Variants in TEF observed in about 807,000 individuals in gnomAD.
The protein encoded by TEF is TEF transcription factor, PAR bZIP family member, also known as thyrotroph embryonic factor.
TEF carries 3 observed loss-of-function variants against 20.8 expected under a neutral mutation model. The ratio of observed to expected loss-of-function variants is 0.14; its 90% CI spans 0.07 to 0.37. The LOEUF is 0.37. TEF is among the 10% of genes least tolerant of loss of function. The pLI is 1.00. For synonymous variants in TEF, 180 were observed against 171.1 expected (o/e 1.05, Z -0.41); for missense variants, 296 against 397.9 (o/e 0.74, Z 2.18).
upstream of TEF, among the ~76,000 whole-genome samples, chr22:41,380,999 T>C (rs2037009891): frequency 1.3e-5 from 2 of 152,242 alleles, no homozygotes. Flanking sequence ...AACCGGACTT[T>C]CCCAAGGTCA....
At position 41,398,761 on chromosome 22, in the gene TEF, G is replaced by T. The variant is rs372771607; in HGVS notation, c.*2801G>T. 6.6e-6 allele frequency: 1 copy of T among 152,236 alleles called. No homozygotes were observed. The highest frequency in any genetic ancestry group is 1.5e-5 in the Non-Finnish European group (1 of 68,044). The allele number at this position is 152,236 out of a possible 1,614,324, so 9.4% of individuals were successfully genotyped here. On this transcript the variant is annotated 3_prime_UTR_variant, in exon 4 of 4. Transcript: ENST00000266304. ...ACCCTGCTGAGGGGCTGTGCAGGCC[G>T]CTCCTACGGTCCTTTGGCCTGAGGC...
chr22:41,394,118 G>A lies in TEF; in HGVS notation c.498G>A (p.Arg166=), dbSNP rs2145991790. 2 of 1,614,086 alleles carry A rather than the reference G, an allele frequency of 1.2e-6. No homozygotes were observed. Among genetic ancestry groups the A allele is most frequent in the East Asian group, 2.2e-5 (1 of 44,876 alleles). ...SSTESSLEKE[R]ETPSPIDPNC... Reference sequence around the variant, plus strand: ...TAGAATCTTCCCTGGAGAAGGAGAGGGAGACTCCCAGTCCCATCGACCCCA... The same window carrying A: ...TAGAATCTTCCCTGGAGAAGGAGAGAGAGACTCCCAGTCCCATCGACCCCA... The change falls in exon 3 of 4, where the codon AGG becomes AGA. Residue 166 remains arginine, a synonymous_variant. Coordinates refer to ENST00000266304, the MANE Select transcript of TEF (RefSeq NM_003216.4).
chr22:41,377,830 C>T (rs923944031), upstream of TEF, among the ~76,000 whole-genome samples: 1 of 152,192 alleles, frequency 6.6e-6, no homozygotes, highest in Non-Finnish European at 1.5e-5. Context: ...GGAGGCTTAA[C>T]CCGCTGGTCT....
chr22:41,385,740 A>G (rs1331318064), intron 1 of TEF, among the ~76,000 whole-genome samples: 1 of 152,140 alleles, frequency 6.6e-6, no homozygotes, highest in Non-Finnish European at 1.5e-5. Flanking sequence ...CTTGGGGTAC[A>G]GTGGCATGAT....
At chr22:41,377,428 T>C (rs1408237742), upstream of TEF, 1 of 152,206 alleles carries the variant, frequency 6.6e-6, no homozygotes, top group Non-Finnish European at 1.5e-5. Flanking sequence ...TTTAAAGTCT[T>C]AATCGTGTAA....
intron 1 of TEF, 49 bp downstream of exon 1, chr22:41,382,250 G>GGGGCGGGGCCTCGTGA (rs1456621650): frequency 1.7e-6 from 2 of 1,191,574 alleles, no homozygotes; most frequent in Non-Finnish European, 2.1e-6. Flanking sequence ...GGCTTATACA[G>GGGGCGGGGCCTCGTGA]GGGCGGGGCC....
Position 41,387,448 on chromosome 22 carries a change from G to A in TEF, c.255G>A (p.Lys85=). 2.5e-6 allele frequency: 4 copies of A among 1,614,220 alleles called. No homozygotes were observed. In the South Asian group the frequency reaches 4.4e-5, roughly 18 times the overall value. The change falls in exon 2 of 4, where the codon AAG becomes AAA. Residue 85 remains lysine, a synonymous_variant. Transcript: ENST00000266304. ...CCCTCATGCCACCCATCTGGGACAA[G>A]ACCATCCCATATGATGGCGAATCTT... ...SASLMPPIWD[K]TIPYDGESFH...
At chr22:41,389,230 C>G (rs540097569) in intron 2 of TEF, among the ~76,000 whole-genome samples, 202 of 152,196 alleles carry the variant, frequency 1.3e-3, no homozygotes, top group African/African-American at 4.8e-3. Flanking sequence ...GAAACCCCAT[C>G]TCTACTAAAA....
intron 1 of TEF, among the ~76,000 whole-genome samples, chr22:41,372,512 A>G (rs1466468593): frequency 1.3e-5 from 2 of 152,156 alleles, no homozygotes; most frequent in Non-Finnish European, 2.9e-5. Context: ...CGACGCTCAG[A>G]GAGAGGAAAG....
intron 1 of TEF, among the ~76,000 whole-genome samples, chr22:41,374,966 T>C (rs919103953): frequency 6.6e-6 from 1 of 152,078 alleles, no homozygotes; most frequent in Non-Finnish European, 1.5e-5. Context: ...TCCAAACCCC[T>C]GTTGTTCAAG....
intron 1 of TEF, chr22:41,369,190 G>A (rs2036852657): frequency 3.0e-6 from 3 of 985,390 alleles, no homozygotes; most frequent in Non-Finnish European, 2.4e-6. Flanking sequence ...GGCCTTTGAA[G>A]TGTGGCAGCA....
upstream of TEF, among the ~76,000 whole-genome samples, chr22:41,376,987 T>A (rs1004372903): frequency 1.1e-4 from 16 of 152,174 alleles, no homozygotes; most frequent in Admixed American, 4.6e-4. Flanking sequence ...GAAACCAGTG[T>A]GGTCTTGTTT....
rs761300933 is a variant in TEF at position 41,382,210 on chromosome 22, GGGGGGGTGGTCCGCGCGGGCT to G, written c.157+15_157+35del. ...GCGCGAGGCGCGCCTCGGTGAGGGC[GGGGGGGTGGTCCGCGCGGGCT>G]GGGGGCGGGGCTTATACAGGGGCGG... On this transcript the variant is annotated intron_variant, in intron 1 of 3. Coordinates refer to ENST00000266304, the MANE Select transcript of TEF (RefSeq NM_003216.4). The G allele has an allele frequency of 7.3e-6, 9 of 1,226,850 alleles. No homozygotes were observed. In the East Asian group the frequency reaches 2.5e-4, roughly 35 times the overall value. 76.0% of individuals were successfully genotyped at this position (1,226,850 alleles called of 1,614,324 possible). A position where few individuals can be genotyped will look rare whatever the true frequency, so the allele number is the denominator to read the frequency against.
rs920294546 is a variant in TEF at position 41,392,670 on chromosome 22, CAAAAA to C, written c.476-1406_476-1402del. 9.6e-3 allele frequency among the ~76,000 whole-genome samples: 376 copies of C among 39,320 alleles called. 1 individual carries two copies. Among genetic ancestry groups the C allele is most frequent in the Middle Eastern group, 0.095 (8 of 84 alleles). The allele number at this position is 39,320 out of a possible 152,430, so 25.8% of individuals were successfully genotyped here. A position where few individuals can be genotyped will look rare whatever the true frequency, so the allele number is the denominator to read the frequency against. ...CCCTGGGAAACAGAGTGAGACTCTT[CAAAAA>C]AAAAAAAAAAAAAAAAAAAGACTAA... On this transcript the variant is annotated intron_variant, in intron 2 of 3. Coordinates refer to ENST00000266304, the MANE Select transcript of TEF (RefSeq NM_003216.4).
At position 41,394,037 on chromosome 22, in the gene TEF, G is replaced by C; in HGVS notation, c.476-59G>C. 3 of 1,505,122 alleles carry C rather than the reference G, an allele frequency of 2.0e-6. No individual in the cohort carries two copies. In the East Asian group the frequency reaches 6.8e-5, roughly 34 times the overall value. 93.2% of individuals were successfully genotyped at this position (1,505,122 alleles called of 1,614,324 possible). A position where few individuals can be genotyped will look rare whatever the true frequency, so the allele number is the denominator to read the frequency against. ...GTTCAACCAGGTGTCTGGGTGTGTG[G>C]CGTGGGTCTTCTCTGTCCAGTGGGC... is the stretch of plus-strand genomic sequence containing the variant. On this transcript the variant is annotated intron_variant, in intron 2 of 3. Transcript: ENST00000266304.
intron 1 of TEF, among the ~76,000 whole-genome samples, chr22:41,372,616 C>T (rs758892997): frequency 5.3e-5 from 8 of 152,236 alleles, no homozygotes; most frequent in South Asian, 4.1e-4. Flanking sequence ...TACCATGTCT[C>T]GGGTCGTAGC....
intron 1 of TEF, among the ~76,000 whole-genome samples, chr22:41,386,269 G>A (rs1357055775): frequency 1.3e-5 from 2 of 151,152 alleles, no homozygotes; most frequent in Non-Finnish European, 2.9e-5. Context: ...TGAAACCCCA[G>A]TCTCTACTAA....
In TEF at chr22:41,397,863, C is replaced by A. The variant is rs980496866; in HGVS notation, c.*1903C>A. On this transcript the variant is annotated 3_prime_UTR_variant, in exon 4 of 4. Transcript: ENST00000266304. ...TTGTTATTAGTGGAAGAGCCTTGAG[C>A]TTAAAAGCTCTTCATTTTCTTTGCC... is the stretch of plus-strand genomic sequence containing the variant. 6.6e-6 allele frequency: 1 copy of A among 152,238 alleles called. No individual in the cohort carries two copies. Among genetic ancestry groups the A allele is most frequent in the Admixed American group, 6.5e-5 (1 of 15,280 alleles). The allele number at this position is 152,238 out of a possible 1,614,324, so 9.4% of individuals were successfully genotyped here.
At chr22:41,385,673 C>T (rs775548055) in intron 1 of TEF, among the ~76,000 whole-genome samples, 2 of 152,048 alleles carry the variant, frequency 1.3e-5, no homozygotes, top group Non-Finnish European at 2.9e-5. Context: ...ATCCTACAGC[C>T]TATTCTGTTT....
Sources: gnomAD v4.1 joint callset for allele counts (sites outside exome capture counted in the v4.1 genomes callset) on GRCh38, gnomAD v4.1.1 for gene constraint, MANE v1.5 for transcripts, NCBI Gene and HGNC (gene_info 2026-07-23, HGNC 2026-07-21) for gene names.